The following STARD13 variants were observed in gnomAD, a reference collection of about 807,000 sequenced individuals.
STARD13 encodes the protein StAR related lipid transfer domain containing 13, also known as stAR-related lipid transfer protein 13.
Under a neutral mutation model 106.4 loss-of-function variants are expected in STARD13, and 62 were observed. The ratio of observed to expected loss-of-function variants is 0.58; its 90% CI spans 0.48 to 0.72. The LOEUF is 0.72. Among genes scored for constraint, STARD13 ranks in the 30% least tolerant of loss-of-function variants. The pLI is 0.00. For synonymous variants in STARD13, 565 were observed against 553.0 expected, an observed-to-expected ratio of 1.02 and a Z score of -0.31; for missense variants, 1,387 against 1,424.0, an observed-to-expected ratio of 0.97 and a Z score of 0.42.
intron 1 of STARD13, among the ~76,000 whole-genome samples, chr13:33,194,082 T>C (rs1007595294): frequency 1.3e-5 from 2 of 152,180 alleles, no homozygotes; most frequent in African/African-American, 2.4e-5. Context: ...TTCACTTATA[T>C]AGGGAAAAAG....
the STARD13 span, among the ~76,000 whole-genome samples, chr13:33,411,443 A>G: frequency 6.6e-6 from 1 of 152,094 alleles, no homozygotes; most frequent in African/African-American, 2.4e-5. Flanking sequence ...CATTTCTGCT[A>G]TTGACTTTCC....
chr13:33,562,490 T>TC, the STARD13 span, among the ~76,000 whole-genome samples: 1 of 146,878 alleles, frequency 6.8e-6, no homozygotes, highest in Non-Finnish European at 1.5e-5. Context: ...TAAGTCTGTT[T>TC]CTCATCTGAA....
Position 33,116,687 on chromosome 13 carries a change from G to A in STARD13, c.2281+1378C>T, listed in dbSNP as rs377534884. Among the ~76,000 whole-genome samples, 26 of 152,264 alleles carry A rather than the reference G, an allele frequency of 1.7e-4. No homozygotes were observed. The East Asian group carries it at 2.3e-3, about 14-fold the overall frequency. On this transcript the variant is annotated intron_variant, in intron 8 of 13. Coordinates refer to ENST00000336934, the MANE Select transcript of STARD13 (RefSeq NM_178006.4). ...ATATCTGATACTTCCAAACCATAAG[G>A]GAGACTTAATTGAAAAATGTAGTTC...
Position 33,165,408 on chromosome 13 carries a change from A to T in STARD13, c.252T>A (p.Phe84Leu). The T allele has an allele frequency of 1.2e-6, 2 of 1,613,482 alleles. No individual in the cohort carries two copies. The highest frequency in any genetic ancestry group is 1.7e-6 in the Non-Finnish European group (2 of 1,179,424). Reference protein sequence around the residue: ...QYAQLYEDSQFPINIVAVKND... With the variant: ...QYAQLYEDSQLPINIVAVKND... The stretch of plus-strand genomic sequence containing the variant: ...TCTTGACAGCCACAATGTTGATGGG[A>T]AATTGTGAATCTGAGAGAGAAAGAC... Residue 84 changes from phenylalanine to leucine, a missense_variant, in exon 3 of 14, where the codon TTT (phenylalanine) becomes TTA (leucine). By Grantham distance (22) the Phe-to-Leu change is conservative. Coordinates refer to ENST00000336934, the MANE Select transcript of STARD13 (RefSeq NM_178006.4).
At chr13:33,429,694 T>C in the STARD13 span, among the ~76,000 whole-genome samples, 1 of 152,116 alleles carries the variant, frequency 6.6e-6, no homozygotes, top group Admixed American at 6.5e-5. Context: ...TTCTCACTTA[T>C]TTGTGGGATC....
intron 1 of STARD13, among the ~76,000 whole-genome samples, chr13:33,196,714 C>T (rs77628346): frequency 4.7e-4 from 72 of 152,252 alleles, no homozygotes; most frequent in Middle Eastern, 3.4e-3. Flanking sequence ...TGCAGAGGAA[C>T]CACAAAGAGA....
the STARD13 span, among the ~76,000 whole-genome samples, chr13:33,646,203 C>T: frequency 6.6e-6 from 1 of 152,188 alleles, no homozygotes; most frequent in Non-Finnish European, 1.5e-5. Flanking sequence ...TAAATAACTA[C>T]ACTGGTCTAT....
At chr13:33,610,041 C>T in the STARD13 span, among the ~76,000 whole-genome samples, 31 of 150,256 alleles carry the variant, frequency 2.1e-4, no homozygotes, top group Non-Finnish European at 3.5e-4. Flanking sequence ...GTTTATTAAA[C>T]AATCTTAAAG....
the STARD13 span, among the ~76,000 whole-genome samples, chr13:33,403,131 G>A: frequency 7.9e-5 from 12 of 152,230 alleles, no homozygotes; most frequent in African/African-American, 2.7e-4. Context: ...CAGGAGCGGA[G>A]CCCAGAGTAC....
chr13:33,343,057 G>A (rs944781001), intron 1 of STARD13, among the ~76,000 whole-genome samples: 3 of 152,022 alleles, frequency 2.0e-5, no homozygotes, highest in East Asian at 1.9e-4. Flanking sequence ...CTACAAAGCC[G>A]ATACTTATGC....
At chr13:33,480,090 T>C in the STARD13 span, among the ~76,000 whole-genome samples, 2 of 152,206 alleles carry the variant, frequency 1.3e-5, no homozygotes, top group East Asian at 3.8e-4. Context: ...TAGTGTATTA[T>C]AGTTTAGGAC....
chr13:33,576,905 A>C, the STARD13 span, among the ~76,000 whole-genome samples: 1 of 152,202 alleles, frequency 6.6e-6, no homozygotes, highest in African/African-American at 2.4e-5. Context: ...GATTTTAATA[A>C]CTTAATGCTT....
the STARD13 span, among the ~76,000 whole-genome samples, chr13:33,470,264 TATATGTGCCACATTTTCTTTATCCA>T: frequency 2.0e-5 from 3 of 152,344 alleles, no homozygotes; most frequent in Admixed American, 6.5e-5. Flanking sequence ...TTCCGCGGTG[TATATGTGCCACATTTTCTTTATCCA>T]ATATGTGCCA....
downstream of STARD13, among the ~76,000 whole-genome samples, chr13:33,344,143 G>C (rs1379264427): frequency 3.3e-5 from 5 of 152,142 alleles, no homozygotes; most frequent in Admixed American, 3.3e-4. Context: ...TGGATACCAA[G>C]ACCCCATCTG....
chr13:33,424,436 G>C, the STARD13 span, among the ~76,000 whole-genome samples: 2 of 152,184 alleles, frequency 1.3e-5, no homozygotes, highest in Non-Finnish European at 2.9e-5. Flanking sequence ...TTGTGCACCA[G>C]GGTCTGTGCT....
the STARD13 span, among the ~76,000 whole-genome samples, chr13:33,394,545 C>G: frequency 6.2e-4 from 95 of 152,258 alleles, no homozygotes; most frequent in African/African-American, 2.2e-3. Context: ...GCCTAGGGGA[C>G]AGTCACATTA....
the STARD13 span, among the ~76,000 whole-genome samples, chr13:33,468,218 C>G: frequency 6.6e-6 from 1 of 152,144 alleles, no homozygotes; most frequent in Non-Finnish European, 1.5e-5. Context: ...TCTTTCCATT[C>G]TACTTATCCT....
chr13:33,238,965 G>C (rs1388350904), intron 1 of STARD13, among the ~76,000 whole-genome samples: 3 of 151,812 alleles, frequency 2.0e-5, no homozygotes, highest in Admixed American at 2.0e-4. Context: ...TGTGTAATGG[G>C]TCTCCACATC....
chr13:33,235,838 G>A (rs1019654603), intron 1 of STARD13, among the ~76,000 whole-genome samples: 9 of 152,210 alleles, frequency 5.9e-5, no homozygotes, highest in African/African-American at 2.2e-4. Context: ...TAATGCATGT[G>A]CACATTTAAG....
Sources: allele counts gnomAD v4.1 joint callset (sites outside exome capture counted in the v4.1 genomes callset), GRCh38; gene constraint gnomAD v4.1.1; transcripts MANE v1.5; gene names NCBI Gene and HGNC (gene_info 2026-07-23, HGNC 2026-07-21).